Variants in SLC16A10 observed in about 807,000 individuals in gnomAD.
SLC16A10 encodes monocarboxylate transporter 10.
A neutral mutation model predicts 40.0 loss-of-function variants in SLC16A10; 27 were observed. The ratio of observed to expected loss-of-function variants is 0.67; its 90% CI spans 0.50 to 0.93. The LOEUF (loss-of-function observed/expected upper bound fraction) is 0.93, where lower values mean the gene tolerates loss of function less well. SLC16A10 is among the 40% of genes least tolerant of loss of function. SLC16A10 has a pLI of 0.00. For synonymous variants in SLC16A10, 213 were observed against 249.8 expected (o/e 0.85, Z 1.39); for missense variants, 529 against 658.2 (o/e 0.80, Z 2.15).
intron 1 of SLC16A10, among the ~76,000 whole-genome samples, chr6:111,098,668 A>C (rs1040226438): frequency 6.6e-6 from 1 of 152,222 alleles, no homozygotes; most frequent in Non-Finnish European, 1.5e-5. Context: ...TTATTAATAA[A>C]AACCTTTTCA....
rs1583353790 is a variant in SLC16A10, at chr6:111,191,260, G to A, written c.942+13595G>A. Among the ~76,000 whole-genome samples, 4 of 152,092 alleles carry A rather than the reference G, an allele frequency of 2.6e-5. No homozygotes were observed. In the South Asian group the frequency reaches 8.3e-4, roughly 31 times the overall value. On this transcript the variant is annotated intron_variant, in intron 3 of 5. Transcript: ENST00000368851. ...GTTCAATTCCCACTTATGAGTGAGA[G>A]CATGTGGTGTTTGGTTTTCTAATCC... is the stretch of plus-strand genomic sequence containing the variant.
At chr6:111,153,233 A>T (rs1772205210) in intron 1 of SLC16A10, among the ~76,000 whole-genome samples, 1 of 152,290 alleles carries the variant, frequency 6.6e-6, no homozygotes, top group Middle Eastern at 3.4e-3. Context: ...TGCACTGGCA[A>T]GAAATTATAA....
At position 111,093,695 on chromosome 6, in the gene SLC16A10, CTTTGT is replaced by C. The variant is rs920878918; in HGVS notation, c.343+5602_343+5606del. On this transcript the variant is annotated intron_variant, in intron 1 of 5. Transcript: ENST00000368851. The stretch of plus-strand genomic sequence containing the variant: ...CTTAGAAAAATTTTTAGTAACAGTC[CTTTGT>C]TGAGCTAGTTACAGTGAACAAATAA... 1.7e-4 allele frequency among the ~76,000 whole-genome samples: 26 copies of C among 152,230 alleles called. No individual in the cohort carries two copies. In the Middle Eastern group the frequency reaches 0.017, roughly 100 times the overall value.
At chr6:111,139,408 T>A (rs909225417) in intron 1 of SLC16A10, among the ~76,000 whole-genome samples, 2 of 152,064 alleles carry the variant, frequency 1.3e-5, no homozygotes, top group Non-Finnish European at 2.9e-5. Flanking sequence ...TTCAAGTGAT[T>A]CCCCTGCCTC....
chr6:111,175,728 G>T (rs1772671195), intron 2 of SLC16A10, among the ~76,000 whole-genome samples: 1 of 151,166 alleles, frequency 6.6e-6, no homozygotes, highest in African/African-American at 2.4e-5. Context: ...TTGAGACAGG[G>T]TCTCACTATT....
intron 1 of SLC16A10, among the ~76,000 whole-genome samples, chr6:111,100,959 CCT>C (rs71021825): frequency 0.023 from 1,860 of 81,032 alleles, 14 homozygotes; most frequent in Middle Eastern, 0.048. Flanking sequence ...TCTTTCTCTC[CCT>C]CTCTCTCTCT....
intron 1 of SLC16A10, among the ~76,000 whole-genome samples, chr6:111,129,816 A>G (rs1771748559): frequency 6.6e-6 from 1 of 152,210 alleles, no homozygotes; most frequent in African/African-American, 2.4e-5. Context: ...GTTAAATCTC[A>G]ATGCAGAAGG....
intron 3 of SLC16A10, among the ~76,000 whole-genome samples, chr6:111,196,958 C>T (rs531827166): frequency 1.7e-4 from 26 of 152,238 alleles, no homozygotes; most frequent in Non-Finnish European, 3.4e-4. Flanking sequence ...AATTTCATTT[C>T]CCCAACCTCC....
chr6:111,216,561 C>A (rs1562436322), intron 4 of SLC16A10, among the ~76,000 whole-genome samples: 1 of 131,042 alleles, frequency 7.6e-6, no homozygotes, highest in African/African-American at 2.9e-5. Context: ...CACCACCACG[C>A]CCGGCTAACT....
chr6:111,088,184 G>C, intron 1 of SLC16A10, 89 bp downstream of exon 1: 1 of 1,349,728 alleles, frequency 7.4e-7, no homozygotes, highest in Non-Finnish European at 1.0e-6. Flanking sequence ...CTGCCTCCGA[G>C]TGTGCATGTC....
In SLC16A10 at chr6:111,172,751, G is replaced by A. The variant is rs781690219; in HGVS notation, c.400G>A (p.Val134Ile). 2 of 1,614,128 alleles carry A rather than the reference G, an allele frequency of 1.2e-6. No homozygotes were observed. Among genetic ancestry groups the A allele is most frequent in the Admixed American group, 1.7e-5 (1 of 59,992 alleles). Residue 134 changes from valine to isoleucine, a missense_variant, in exon 2 of 6, where the codon GTC becomes ATC. By Grantham distance (29) the Val-to-Ile change is conservative (BLOSUM62 3). Transcript: ENST00000368851. ...MIFFCCPIVS[V>I]FTDLFGCRKT... is the part of the protein sequence containing the mutation. The stretch of plus-strand genomic sequence containing the variant: ...TTTCTTTTGCTGCCCAATAGTCAGC[G>A]TCTTCACAGACCTATTTGGTTGTCG...
At chr6:111,102,422 A>T (rs566302313) in intron 1 of SLC16A10, among the ~76,000 whole-genome samples, 1 of 152,244 alleles carries the variant, frequency 6.6e-6, no homozygotes, top group Admixed American at 6.5e-5. Flanking sequence ...TTCAGTGCTT[A>T]TAAGTCTGTG....
intron 1 of SLC16A10, among the ~76,000 whole-genome samples, chr6:111,160,958 C>T (rs183240814): frequency 2.9e-3 from 441 of 152,082 alleles, no homozygotes; most frequent in African/African-American, 9.9e-3. Flanking sequence ...CATGGTGGCT[C>T]GTGCCTGTAA....
chr6:111,110,875 T>G (rs1317849137), intron 1 of SLC16A10, among the ~76,000 whole-genome samples: 1 of 152,200 alleles, frequency 6.6e-6, no homozygotes, highest in African/African-American at 2.4e-5. Context: ...GCTTCTCTCA[T>G]ATAGTACTCA....
chr6:111,214,445 T>C (rs1773389463), intron 4 of SLC16A10, among the ~76,000 whole-genome samples: 1 of 152,258 alleles, frequency 6.6e-6, no homozygotes, highest in South Asian at 2.1e-4. Context: ...TGATGAAGCA[T>C]TGAACCTGCT....
chr6:111,189,899 C>G (rs992395347), intron 3 of SLC16A10, among the ~76,000 whole-genome samples: 2 of 152,192 alleles, frequency 1.3e-5, no homozygotes, highest in Non-Finnish European at 1.5e-5. Context: ...CATTCTGCCC[C>G]TGGCTCCTCC....
At chr6:111,158,981 G>A (rs116128160) in intron 1 of SLC16A10, among the ~76,000 whole-genome samples, 1,903 of 149,668 alleles carry the variant, frequency 0.013, 41 homozygotes, top group African/African-American at 0.045. Flanking sequence ...GGAGCCTGAG[G>A]TGGGAGGGTC....
chr6:111,206,564 G>A (rs1195974787), intron 3 of SLC16A10, 28 bp from the exon 4 acceptor site: 1 of 1,613,484 alleles, frequency 6.2e-7, no homozygotes, highest in South Asian at 1.1e-5. Context: ...ACCATATTCA[G>A]TGTGGTTTCT....
At chr6:111,213,284 G>A (rs1362103557) in intron 4 of SLC16A10, among the ~76,000 whole-genome samples, 1 of 152,254 alleles carries the variant, frequency 6.6e-6, no homozygotes, top group Non-Finnish European at 1.5e-5. Context: ...TGATTCCTGA[G>A]GAGGTGAATG....
Sources: gnomAD v4.1 joint callset for allele counts (sites outside exome capture counted in the v4.1 genomes callset) on GRCh38, gnomAD v4.1.1 for gene constraint, MANE v1.5 for transcripts, NCBI Gene and HGNC (gene_info 2026-07-23, HGNC 2026-07-21) for gene names.